Variants in SBNO2 observed in about 807,000 individuals in gnomAD.
SBNO2 encodes strawberry notch homolog 2.
A neutral mutation model predicts 146.3 loss-of-function variants in SBNO2; 89 were observed. The ratio of observed to expected loss-of-function variants is 0.61; its 90% CI spans 0.51 to 0.73. SBNO2 has a LOEUF of 0.73. Ranked by LOEUF, SBNO2 falls within the 30% of genes least tolerant of loss-of-function variation. SBNO2 has a pLI of 0.00. For missense variants in SBNO2, 2,092 were observed against 2,003.7 expected (o/e 1.04, Z -0.84); for synonymous variants, 1,147 against 892.6 (o/e 1.29, Z -5.08).
intron 4 of SBNO2, among the ~76,000 whole-genome samples, chr19:1,145,222 T>C (rs1032872315): frequency 1.6e-4 from 25 of 151,618 alleles, no homozygotes; most frequent in Non-Finnish European, 2.8e-4. Context: ...ATCCCAGCAC[T>C]TTGGGAGGCT....
At chr19:1,165,450 G>A (rs2080404155) in intron 1 of SBNO2, among the ~76,000 whole-genome samples, 1 of 152,188 alleles carries the variant, frequency 6.6e-6, no homozygotes, top group South Asian at 2.1e-4. Context: ...TCCAGGCCCA[G>A]AGTCAGAGCC....
chr19:1,146,685 C>A (rs1351942107), intron 4 of SBNO2, among the ~76,000 whole-genome samples: 1 of 146,572 alleles, frequency 6.8e-6, no homozygotes, highest in South Asian at 2.2e-4. Flanking sequence ...CGAGAGGAAG[C>A]TGGGGCACTG....
At chr19:1,134,827 C>T (rs942694186) in intron 4 of SBNO2, among the ~76,000 whole-genome samples, 3 of 151,982 alleles carry the variant, frequency 2.0e-5, no homozygotes, top group African/African-American at 7.2e-5. Context: ...GTGGGTGGAT[C>T]ACGAGGTCAG....
At chr19:1,155,866 C>G (rs1426536294) in intron 1 of SBNO2, among the ~76,000 whole-genome samples, 1 of 152,184 alleles carries the variant, frequency 6.6e-6, no homozygotes, top group East Asian at 1.9e-4. Context: ...CAGCCCCTCC[C>G]CTGCAGGGAC....
intron 14 of SBNO2, among the ~76,000 whole-genome samples, chr19:1,117,942 C>G (rs549163599): frequency 6.6e-6 from 1 of 152,200 alleles, no homozygotes; most frequent in Admixed American, 6.5e-5. Context: ...ACTCTGGCCA[C>G]GGATGCTGCT....
At position 1,123,590 on chromosome 19, in the gene SBNO2, T is replaced by G; in HGVS notation, c.572A>C (p.Glu191Ala). The G allele has an allele frequency of 1.9e-6, 3 of 1,613,460 alleles. No homozygotes were observed. Among genetic ancestry groups the G allele is most frequent in the Non-Finnish European group, 2.5e-6 (3 of 1,179,766 alleles). Residue 191 changes from glutamate to alanine, a missense_variant, in exon 7 of 32, where the codon GAG (glutamate) becomes GCG (alanine). By Grantham distance (107) the Glu-to-Ala change is moderately radical. Transcript: ENST00000361757. ...QPEEEDEAEE[E>A]EAEELGHTET... ...TGTGTGCCCCAGCTCCTCCGCCTCC[T>G]CCTCCTCAGCCTCGTCCTCCTCCTC... is the stretch of plus-strand genomic sequence containing the variant.
rs551266199 is a variant in SBNO2 at position 1,122,240 on chromosome 19, C to T, written c.1048G>A (p.Ala350Thr). The T allele has an allele frequency of 3.4e-5, 53 of 1,579,906 alleles. No homozygotes were observed. Among genetic ancestry groups the T allele is most frequent in the Admixed American group, 2.3e-4 (13 of 55,428 alleles). Residue 350 changes from alanine (A) to threonine (T), a missense_variant, in exon 11 of 32, where the codon GCC becomes ACC. Ala to Thr is a moderately conservative substitution (Grantham distance 58, BLOSUM62 0). Coordinates refer to ENST00000361757, the MANE Select transcript of SBNO2 (RefSeq NM_014963.3). ...TCCCCAATCAGGGCGGAGTAGGTGGCGAAGAGGACGCCCTCTGAGGTAGTG... is the reference window on the plus strand; with the variant it reads ...TCCCCAATCAGGGCGGAGTAGGTGGTGAAGAGGACGCCCTCTGAGGTAGTG... ...DTTTSEGVLF[A>T]TYSALIGESQ...
At position 1,109,615 on chromosome 19, in the gene SBNO2, T is replaced by TG. The variant is rs766262852; in HGVS notation, c.3124-18dup. The TG allele has an allele frequency of 8.6e-5, 49 of 572,946 alleles. No individual in the cohort carries two copies. The highest frequency in any genetic ancestry group is 5.8e-4 in the East Asian group (7 of 11,994). 35.5% of individuals were successfully genotyped at this position (572,946 alleles called of 1,614,324 possible). On this transcript the variant is annotated splice_polypyrimidine_tract_variant and intron_variant, in intron 27 of 31. Transcript: ENST00000361757. The surrounding 1 kb of genome is among the most constrained non-coding windows in gnomAD (Gnocchi z 4.2). Reference sequence around the variant, plus strand: ...CACGCTGATCTGCCACGGCACGGGGTGGGGGGGTGTGAGTGTGGTGGGGGC... The same window carrying TG: ...CACGCTGATCTGCCACGGCACGGGGTGGGGGGGGTGTGAGTGTGGTGGGGGC...
At chr19:1,146,091 G>A (rs1345557310) in intron 4 of SBNO2, among the ~76,000 whole-genome samples, 1 of 152,136 alleles carries the variant, frequency 6.6e-6, no homozygotes, top group Non-Finnish European at 1.5e-5. Flanking sequence ...CCAGCGTGGC[G>A]CCAGCTCCCA....
chr19:1,152,909 T>A (rs2080255705), intron 2 of SBNO2, among the ~76,000 whole-genome samples: 1 of 151,984 alleles, frequency 6.6e-6, no homozygotes, highest in East Asian at 1.9e-4. Flanking sequence ...TCCCAGCACT[T>A]TGGGAGGTCA....
intron 4 of SBNO2, chr19:1,132,342 GC>G (rs908119806): frequency 1.8e-5 from 23 of 1,256,946 alleles, no homozygotes; most frequent in Admixed American, 1.6e-4. Flanking sequence ...AATGATGCCG[GC>G]CCCGTAAGTC....
At position 1,113,722 on chromosome 19, in the gene SBNO2, G is replaced by A. The variant is rs1055072128; in HGVS notation, c.2078-18C>T. ...CAGGGGTCCTAGGGAGGAGGTGGAG[G>A]GTCAGGGCAGGACATGTTGGCTGCC... On this transcript the variant is annotated intron_variant, in intron 18 of 31. Transcript: ENST00000361757. 1.3e-6 allele frequency: 2 copies of A among 1,499,582 alleles called. No individual in the cohort carries two copies. The highest frequency in any genetic ancestry group is 5.3e-5 in the East Asian group (2 of 37,892). The allele number at this position is 1,499,582 out of a possible 1,614,324, so 92.9% of individuals were successfully genotyped here.
chr19:1,110,184 T>C lies in SBNO2; in HGVS notation c.3029-407A>G, dbSNP rs1467885771. Among the ~76,000 whole-genome samples, 3 of 152,026 alleles carry C rather than the reference T, an allele frequency of 2.0e-5. No individual in the cohort carries two copies. The highest frequency in any genetic ancestry group is 2.9e-5 in the Non-Finnish European group (2 of 67,968). On this transcript the variant is annotated intron_variant, in intron 26 of 31. Transcript: ENST00000361757. The surrounding 1 kb of genome is among the most constrained non-coding windows in gnomAD (Gnocchi z 4.9). ...CAGGCTGTGGGGGATCGTGGGAGCC[T>C]GGTTGGCTGCGGCACTGCTCATGAG...
intron 14 of SBNO2, among the ~76,000 whole-genome samples, chr19:1,118,757 A>G (rs2079862496): frequency 6.6e-6 from 1 of 152,146 alleles, no homozygotes; most frequent in Non-Finnish European, 1.5e-5. Context: ...CTGTAACTCC[A>G]GCTACTCGAG....
Position 1,112,054 on chromosome 19 carries a change from T to C in SBNO2, c.2642A>G (p.His881Arg). The C allele has an allele frequency of 6.2e-7, 1 of 1,612,374 alleles. No homozygotes were observed. Among genetic ancestry groups the C allele is most frequent in the Non-Finnish European group, 8.5e-7 (1 of 1,179,728 alleles). The change falls in exon 23 of 32, where the codon CAC becomes CGC. Residue 881 changes from histidine (H) to arginine (R), a missense_variant. His to Arg is a conservative substitution (Grantham distance 29). Coordinates refer to ENST00000361757, the MANE Select transcript of SBNO2 (RefSeq NM_014963.3). This position sits in a 1 kb window ranked among gnomAD's most constrained non-coding sequence, Gnocchi z 5.9. Reference sequence around the variant, plus strand: ...GGACTCCGTGGCGCGGCGGTCTCCGTGGGTCAGGGCCCCCTGCCAGGGGTG... The same window carrying C: ...GGACTCCGTGGCGCGGCGGTCTCCGCGGGTCAGGGCCCCCTGCCAGGGGTG... Reference protein sequence around the residue: ...KRLESLGALTHGDRRATESRD... With the variant: ...KRLESLGALTRGDRRATESRD...
intron 23 of SBNO2, 26 bp from the exon 24 acceptor site, chr19:1,111,640 G>A (rs2145191076): frequency 6.6e-7 from 1 of 1,513,354 alleles, no homozygotes; most frequent in Non-Finnish European, 9.0e-7. Context: ...GACTCGGGGA[G>A]GAGGCCCAGG....
At chr19:1,163,730 G>A (rs554910982) in intron 1 of SBNO2, among the ~76,000 whole-genome samples, 14 of 152,332 alleles carry the variant, frequency 9.2e-5, no homozygotes, top group African/African-American at 3.1e-4. Flanking sequence ...GCCCCAGACC[G>A]GCCCAGCACC....
At chr19:1,163,677 C>T (rs866521577) in intron 1 of SBNO2, among the ~76,000 whole-genome samples, 4 of 152,348 alleles carry the variant, frequency 2.6e-5, no homozygotes, top group Middle Eastern at 3.4e-3. Flanking sequence ...TTGGACCCTG[C>T]CACGCGCAGG....
At chr19:1,111,230 G>A in intron 24 of SBNO2, 137 bp from the exon 25 acceptor site, 3 of 999,252 alleles carry the variant, frequency 3.0e-6, no homozygotes, top group East Asian at 2.6e-5. Flanking sequence ...GCCAGGGCCA[G>A]GAGCGGAGCC....
Sources: allele counts gnomAD v4.1 joint callset (sites outside exome capture counted in the v4.1 genomes callset), GRCh38; gene constraint gnomAD v4.1.1; non-coding constraint Gnocchi (gnomAD v3.1); transcripts MANE v1.5; gene names NCBI Gene and HGNC (gene_info 2026-07-23, HGNC 2026-07-21).